Variants in EFCAB5 observed in about 807,000 individuals in gnomAD.
EFCAB5 encodes the protein EF-hand calcium-binding domain-containing protein 5.
EFCAB5 carries 131 observed loss-of-function variants against 167.9 expected under a neutral mutation model. The ratio of observed to expected loss-of-function variants is 0.78; its 90% confidence interval spans 0.68 to 0.90. The LOEUF is 0.90. Among genes scored for constraint, EFCAB5 ranks in the 40% least tolerant of loss-of-function variants. The pLI, the probability that EFCAB5 is intolerant of heterozygous loss-of-function variation, is 0.00. For synonymous variants in EFCAB5, 574 were observed against 602.8 expected, an observed-to-expected ratio of 0.95 and a Z score of 0.70; for missense variants, 1,663 against 1,745.2, an observed-to-expected ratio of 0.95 and a Z score of 0.84.
At chr17:29,958,543 C>T (rs937808625) in intron 3 of EFCAB5, among the ~76,000 whole-genome samples, 32 of 152,190 alleles carry the variant, frequency 2.1e-4, no homozygotes, top group Admixed American at 1.7e-3. Context: ...TGAATTCCTT[C>T]TCTGTGCTAT....
chr17:30,087,228 C>G, intron 19 of EFCAB5, 62 bp downstream of exon 19: 1 of 1,346,456 alleles, frequency 7.4e-7, no homozygotes, highest in Non-Finnish European at 1.1e-6. Flanking sequence ...AATAGTAGAC[C>G]TGAAAGACAC....
At chr17:30,020,705 A>G (rs372670493) in intron 7 of EFCAB5, among the ~76,000 whole-genome samples, 23 of 152,208 alleles carry the variant, frequency 1.5e-4, no homozygotes, top group African/African-American at 5.5e-4. Flanking sequence ...GTTTATAATT[A>G]TACTCTGAGA....
intron 3 of EFCAB5, among the ~76,000 whole-genome samples, chr17:29,951,570 T>C (rs2067512701): frequency 6.6e-6 from 1 of 151,782 alleles, no homozygotes; most frequent in Admixed American, 6.6e-5. Context: ...TTAGCCAGGA[T>C]GGTCTCAATC....
At chr17:30,080,695 G>C in intron 16 of EFCAB5, 58 bp from the exon 17 acceptor site, 1 of 1,285,944 alleles carries the variant, frequency 7.8e-7, no homozygotes, top group Non-Finnish European at 1.1e-6. Context: ...TTTCCTCCAT[G>C]GTTTAATCTA....
chr17:30,062,630 C>T (rs1166367160), intron 14 of EFCAB5, among the ~76,000 whole-genome samples: 1 of 152,180 alleles, frequency 6.6e-6, no homozygotes, highest in African/African-American at 2.4e-5. Flanking sequence ...GGAACTACGG[C>T]TGGAGTGTGT....
chr17:30,070,614 T>G (rs554840961), intron 14 of EFCAB5, among the ~76,000 whole-genome samples: 1 of 152,200 alleles, frequency 6.6e-6, no homozygotes, highest in African/African-American at 2.4e-5. Context: ...CAAATAATGC[T>G]GGGGAAATTG....
chr17:30,048,059 C>G (rs1047972088), intron 8 of EFCAB5, among the ~76,000 whole-genome samples: 1 of 152,156 alleles, frequency 6.6e-6, no homozygotes, highest in Admixed American at 6.5e-5. Context: ...AACATCAATT[C>G]CTAGGATCCC....
rs373266590 is a variant in EFCAB5 at position 30,090,637 on chromosome 17, C to T, written c.3900C>T (p.Gly1300=). 14 of 1,613,570 alleles carry T rather than the reference C, an allele frequency of 8.7e-6. No individual in the cohort carries two copies. The highest frequency in any genetic ancestry group is 6.7e-5 in the African/African-American group (5 of 74,858). ...AAGTGGCCTGCTATGAAATACTTGG[C>T]GAGTTCTCTGGAGAGATAAAGAAAA... The part of the protein sequence containing the change: ...VVQVACYEIL[G]EFSGEIKKKY... Residue 1300 remains glycine, a synonymous_variant, in exon 20 of 23, where the codon GGC becomes GGT. Coordinates refer to ENST00000394835, the MANE Select transcript of EFCAB5 (RefSeq NM_198529.4).
At chr17:30,027,201 G>A (rs1244119463) in intron 7 of EFCAB5, among the ~76,000 whole-genome samples, 1 of 149,924 alleles carries the variant, frequency 6.7e-6, no homozygotes, top group Non-Finnish European at 1.5e-5. Context: ...TAGCCAGGAT[G>A]GTCTCAATCT....
chr17:30,057,590 A>T, intron 12 of EFCAB5, 86 bp from the exon 13 acceptor site: 1 of 1,115,630 alleles, frequency 9.0e-7, no homozygotes, highest in Non-Finnish European at 1.3e-6. Context: ...AAAATGGCAG[A>T]TATTCATTAC....
intron 17 of EFCAB5, 134 bp from the exon 18 acceptor site, chr17:30,082,757 A>G: frequency 1.1e-6 from 1 of 931,042 alleles, no homozygotes; most frequent in Non-Finnish European, 1.5e-6. Context: ...CCCTTTGAGG[A>G]CTGCTGAATA....
rs1393293579 is a variant in EFCAB5 at position 30,054,014 on chromosome 17, C to T, written c.2060C>T (p.Pro687Leu). 1.2e-6 allele frequency: 2 copies of T among 1,609,620 alleles called. No homozygotes were observed. The highest frequency in any genetic ancestry group is 4.5e-5 in the East Asian group (2 of 44,834). Residue 687 changes from proline (P) to leucine (L), a missense_variant, in exon 10 of 23, where the codon CCT becomes CTT. Coordinates refer to ENST00000394835, the MANE Select transcript of EFCAB5 (RefSeq NM_198529.4). The part of the protein sequence containing the change: ...SILKSTKYGE[P>L]ITSEYIEVPL... ...TTAAAAAGTACAAAATATGGGGAACCTATAACCTCTGAGTACATTGAAGTC... is the reference window on the plus strand; with the variant it reads ...TTAAAAAGTACAAAATATGGGGAACTTATAACCTCTGAGTACATTGAAGTC...
At chr17:30,001,802 A>T (rs991067225) in intron 7 of EFCAB5, among the ~76,000 whole-genome samples, 1 of 152,080 alleles carries the variant, frequency 6.6e-6, no homozygotes, top group Middle Eastern at 3.2e-3. Flanking sequence ...AACACTTTTG[A>T]CTCCTTTTTA....
At chr17:29,982,068 T>C (rs978134491) in intron 4 of EFCAB5, among the ~76,000 whole-genome samples, 3 of 152,176 alleles carry the variant, frequency 2.0e-5, no homozygotes, top group African/African-American at 7.2e-5. Context: ...TAGGCATATA[T>C]TTCATATATG....
intron 15 of EFCAB5, among the ~76,000 whole-genome samples, chr17:30,079,653 A>G (rs1409592702): frequency 6.6e-6 from 1 of 152,212 alleles, no homozygotes; most frequent in Non-Finnish European, 1.5e-5. Context: ...TCACTTTCAC[A>G]TCACAGTCGA....
intron 4 of EFCAB5, among the ~76,000 whole-genome samples, chr17:29,976,285 T>G (rs542779999): frequency 1.8e-4 from 27 of 152,308 alleles, no homozygotes; most frequent in Admixed American, 5.2e-4. Context: ...TCACTGATAT[T>G]TCTTGAACTG....
In EFCAB5 at chr17:30,054,112, G is replaced by T. The variant is rs1415102608; in HGVS notation, c.2158G>T (p.Glu720Ter). 29 of 1,573,428 alleles carry T rather than the reference G, an allele frequency of 1.8e-5. No homozygotes were observed. Among genetic ancestry groups the T allele is most frequent in the Non-Finnish European group, 2.5e-5 (29 of 1,160,172 alleles). Residue 720 changes from glutamate to a stop codon, truncating the protein, a stop_gained, in exon 10 of 23, where the codon GAA becomes TAA. Coordinates refer to ENST00000394835, the MANE Select transcript of EFCAB5 (RefSeq NM_198529.4). LOFTEE classifies it high-confidence loss of function. ...EIFLSSELQEEVPTLSRKDHF... is the reference protein window; with the variant it reads ...EIFLSSELQE Reference sequence around the variant, plus strand: ...ATTCCTGAGTTCTGAACTGCAAGAGGAAGTTCCAACCTTAAGCAGAAAAGA... The same window carrying T: ...ATTCCTGAGTTCTGAACTGCAAGAGTAAGTTCCAACCTTAAGCAGAAAAGA...
chr17:30,031,391 G>A (rs1374119861), intron 7 of EFCAB5, among the ~76,000 whole-genome samples: 4 of 152,186 alleles, frequency 2.6e-5, no homozygotes, highest in Admixed American at 6.5e-5. Context: ...TTTGAGAACC[G>A]CTGATCTTGT....
chr17:30,090,056 C>T (rs1430603539), intron 19 of EFCAB5, among the ~76,000 whole-genome samples: 1 of 152,222 alleles, frequency 6.6e-6, no homozygotes, highest in Non-Finnish European at 1.5e-5. Flanking sequence ...ACCTAACACA[C>T]TCATCATTTC....
Sources: gnomAD v4.1 joint callset for allele counts (sites outside exome capture counted in the v4.1 genomes callset) on GRCh38, gnomAD v4.1.1 for gene constraint, MANE v1.5 for transcripts, NCBI Gene and HGNC (gene_info 2026-07-23, HGNC 2026-07-21) for gene names.